Variants in ZBTB20 observed in about 807,000 individuals in gnomAD.
ZBTB20 encodes the protein zinc finger and BTB domain containing 20, also known as zinc finger and BTB domain-containing protein 20.
ZBTB20 carries 9 observed loss-of-function variants against 56.9 expected under a neutral mutation model. That is an observed-to-expected ratio of 0.16 (90% CI 0.10 to 0.28). The LOEUF (loss-of-function observed/expected upper bound fraction) is 0.28, where lower values mean the gene tolerates loss of function less well. Ranked by LOEUF, ZBTB20 falls within the 10% of genes least tolerant of loss-of-function variation. The probability of loss-of-function intolerance (pLI) is 1.00; values close to 1 mark genes in which losing one functional copy is unlikely to be tolerated. For missense variants in ZBTB20, 655 were observed against 1,003.0 expected, an observed-to-expected ratio of 0.65 and a Z score of 4.69; for synonymous variants, 417 against 420.7, an observed-to-expected ratio of 0.99 and a Z score of 0.11.
chr3:114,959,581 G>A (rs928632459), intron 3 of ZBTB20, among the ~76,000 whole-genome samples: 3 of 152,008 alleles, frequency 2.0e-5, no homozygotes, highest in African/African-American at 7.2e-5. Context: ...TTTGTTTTTT[G>A]TTGTTTTGTT....
At chr3:114,648,966 A>G (rs1225538034) in intron 6 of ZBTB20, among the ~76,000 whole-genome samples, 1 of 152,042 alleles carries the variant, frequency 6.6e-6, no homozygotes, top group Non-Finnish European at 1.5e-5. Flanking sequence ...TAAGAAGTTG[A>G]CCTATACGTT....
intron 6 of ZBTB20, among the ~76,000 whole-genome samples, chr3:114,661,380 G>A (rs994671656): frequency 1.5e-4 from 23 of 152,194 alleles, no homozygotes; most frequent in Non-Finnish European, 7.4e-5. Context: ...TGTGAATCCC[G>A]TTCTTCCCAT....
In ZBTB20 at chr3:114,805,654, G is replaced by A. The variant is rs184553921; in HGVS notation, c.-416-4480C>T. The stretch of plus-strand genomic sequence containing the variant: ...AACATACAATCCACTCTTGTTATGT[G>A]TATAACTCAATGACATTAAGTAAAT... On this transcript the variant is annotated intron_variant, in intron 4 of 11. Transcript: ENST00000675478. 7.3e-5 allele frequency among the ~76,000 whole-genome samples: 11 copies of A among 151,524 alleles called. No homozygotes were observed. The East Asian group carries it at 7.7e-4, about 11-fold the overall frequency.
At chr3:114,732,143 C>A (rs906773628) in intron 5 of ZBTB20, among the ~76,000 whole-genome samples, 8 of 152,126 alleles carry the variant, frequency 5.3e-5, no homozygotes, top group Admixed American at 5.2e-4. Flanking sequence ...GGACTAACAG[C>A]AAGTAGTTGC....
intron 6 of ZBTB20, among the ~76,000 whole-genome samples, chr3:114,531,111 T>C (rs772398626): frequency 6.6e-6 from 1 of 152,196 alleles, no homozygotes; most frequent in African/African-American, 2.4e-5. Context: ...TATAGTATCC[T>C]GGGCATTTTA....
At chr3:115,072,170 C>T (rs1406652046) in intron 1 of ZBTB20, among the ~76,000 whole-genome samples, 2 of 152,062 alleles carry the variant, frequency 1.3e-5, no homozygotes, top group Non-Finnish European at 2.9e-5. Context: ...ATTGGTTATA[C>T]AGTTTTGAGG....
At chr3:114,681,790 A>G (rs753092239) in intron 6 of ZBTB20, among the ~76,000 whole-genome samples, 2 of 152,200 alleles carry the variant, frequency 1.3e-5, no homozygotes, top group Non-Finnish European at 2.9e-5. Context: ...ACTAAGCCAA[A>G]AAGAAGATAA....
chr3:114,707,234 G>A (rs570744664), intron 5 of ZBTB20, among the ~76,000 whole-genome samples: 4 of 152,090 alleles, frequency 2.6e-5, no homozygotes, highest in South Asian at 4.2e-4. Context: ...ATATCTATTC[G>A]GAAGGACTAT....
At chr3:114,747,072 G>T (rs962195335) in intron 5 of ZBTB20, among the ~76,000 whole-genome samples, 2 of 152,074 alleles carry the variant, frequency 1.3e-5, no homozygotes, top group African/African-American at 4.8e-5. Flanking sequence ...CCTAGGTAAT[G>T]CTTATATTTG....
intron 2 of ZBTB20, among the ~76,000 whole-genome samples, chr3:115,044,707 C>T (rs185457976): frequency 4.6e-5 from 7 of 152,328 alleles, no homozygotes; most frequent in Admixed American, 2.0e-4. Context: ...TTAAAACATA[C>T]CTGAGGTAGC....
intron 5 of ZBTB20, among the ~76,000 whole-genome samples, chr3:114,703,494 G>T (rs1334632627): frequency 9.5e-6 from 1 of 105,392 alleles, no homozygotes; most frequent in Non-Finnish European, 2.4e-5. Flanking sequence ...AGGGAAAATG[G>T]AGGGACTACT....
intron 7 of ZBTB20, among the ~76,000 whole-genome samples, chr3:114,477,627 C>A (rs895583069): frequency 6.6e-6 from 1 of 150,978 alleles, no homozygotes; most frequent in Non-Finnish European, 1.5e-5. Flanking sequence ...TCCCGAGTAT[C>A]TGGGATTACA....
chr3:114,806,716 A>G (rs1477268654), intron 4 of ZBTB20, among the ~76,000 whole-genome samples: 2 of 152,044 alleles, frequency 1.3e-5, no homozygotes, highest in African/African-American at 2.4e-5. Flanking sequence ...TAGAAATTTT[A>G]TAATTTTAGC....
intron 10 of ZBTB20, among the ~76,000 whole-genome samples, chr3:114,366,347 C>T (rs1002576565): frequency 1.3e-5 from 2 of 151,240 alleles, no homozygotes; most frequent in African/African-American, 4.9e-5. Flanking sequence ...TTCTTGGTTA[C>T]AATGTGGAGA....
intron 7 of ZBTB20, among the ~76,000 whole-genome samples, chr3:114,393,537 A>T (rs1559730244): frequency 6.6e-6 from 1 of 152,180 alleles, no homozygotes; most frequent in East Asian, 1.9e-4. Context: ...CTTTTGCCTT[A>T]GTACACACCT....
At chr3:114,415,891 T>C (rs1340520609) in intron 7 of ZBTB20, among the ~76,000 whole-genome samples, 3 of 152,118 alleles carry the variant, frequency 2.0e-5, no homozygotes, top group East Asian at 3.9e-4. Flanking sequence ...GCCAGTAGCC[T>C]CTTCCCAAAA....
chr3:114,440,728 C>T (rs1005041986), intron 7 of ZBTB20, among the ~76,000 whole-genome samples: 1 of 152,154 alleles, frequency 6.6e-6, no homozygotes, highest in Non-Finnish European at 1.5e-5. Context: ...GTCTTGGACC[C>T]TTCTCTCGCA....
chr3:114,858,525 C>CGTGTGT (rs145263695), intron 4 of ZBTB20, among the ~76,000 whole-genome samples: 10 of 146,882 alleles, frequency 6.8e-5, no homozygotes, highest in African/African-American at 1.7e-4. Context: ...TGCGTGTATT[C>CGTGTGT]GTGTGTGTGT....
chr3:114,513,155 T>A (rs2045595600), intron 6 of ZBTB20, among the ~76,000 whole-genome samples: 1 of 152,218 alleles, frequency 6.6e-6, no homozygotes, highest in African/African-American at 2.4e-5. Context: ...ATTTAATGTA[T>A]GTATAGAGCA....
Sources: gnomAD v4.1 joint callset for allele counts (sites outside exome capture counted in the v4.1 genomes callset) on GRCh38, gnomAD v4.1.1 for gene constraint, MANE v1.5 for transcripts, NCBI Gene and HGNC (gene_info 2026-07-23, HGNC 2026-07-21) for gene names.